The following WWOX variants were observed in gnomAD, a reference collection of about 807,000 sequenced individuals.
WWOX encodes WW domain-containing oxidoreductase.
Under a neutral mutation model 46.2 loss-of-function variants are expected in WWOX, and 69 were observed. That is an observed-to-expected ratio of 1.49 (90% CI 1.23 to 1.82). The LOEUF (loss-of-function observed/expected upper bound fraction) is 1.82, where lower values mean the gene tolerates loss of function less well. Ranked by LOEUF, WWOX falls within the 40% of genes most tolerant of loss-of-function variation. The pLI, the probability that WWOX is intolerant of heterozygous loss-of-function variation, is 0.00. For synonymous variants in WWOX, 359 were observed against 202.6 expected, an observed-to-expected ratio of 1.77 and a Z score of -6.56; for missense variants, 919 against 542.6, an observed-to-expected ratio of 1.69 and a Z score of -6.89.
chr16:79,101,955 G>A (rs1016374960), intron 8 of WWOX, among the ~76,000 whole-genome samples: 1 of 149,368 alleles, frequency 6.7e-6, no homozygotes, highest in Non-Finnish European at 1.5e-5. Context: ...TTCTGGAAGA[G>A]TTACCTGAAG....
At chr16:78,147,010 G>A (rs1208483908) in intron 4 of WWOX, among the ~76,000 whole-genome samples, 2 of 152,164 alleles carry the variant, frequency 1.3e-5, no homozygotes, top group Admixed American at 1.3e-4. Flanking sequence ...TTGAGATGGT[G>A]TCAGCATTAT....
intron 8 of WWOX, among the ~76,000 whole-genome samples, chr16:78,686,638 G>GT (rs1249923727): frequency 2.6e-5 from 4 of 152,114 alleles, no homozygotes; most frequent in Non-Finnish European, 5.9e-5. Context: ...GTTTTAATTT[G>GT]TTTTTTCGGA....
At chr16:78,150,363 G>A (rs1567600079) in intron 4 of WWOX, among the ~76,000 whole-genome samples, 1 of 152,020 alleles carries the variant, frequency 6.6e-6, no homozygotes, top group Non-Finnish European at 1.5e-5. Flanking sequence ...AAACCCTATC[G>A]TTTAGGTTTT....
At chr16:78,941,238 A>G (rs1366958927) in intron 8 of WWOX, among the ~76,000 whole-genome samples, 2 of 152,154 alleles carry the variant, frequency 1.3e-5, no homozygotes, top group African/African-American at 4.8e-5. Context: ...CAGGCAAAAC[A>G]TTTGGTTCTG....
chr16:79,072,643 T>C (rs61351131), intron 8 of WWOX, among the ~76,000 whole-genome samples: 4,474 of 152,306 alleles, frequency 0.029, 226 homozygotes, highest in African/African-American at 0.1. Context: ...ATGATCAAAG[T>C]TAGCAGTACT....
At chr16:78,498,323 G>T (rs767456682) in intron 8 of WWOX, among the ~76,000 whole-genome samples, 2 of 152,084 alleles carry the variant, frequency 1.3e-5, no homozygotes, top group Non-Finnish European at 2.9e-5. Context: ...TCTGTAAATT[G>T]CAGGCTGTAA....
chr16:78,610,034 G>A (rs192553602), intron 8 of WWOX, among the ~76,000 whole-genome samples: 16 of 135,486 alleles, frequency 1.2e-4, no homozygotes, highest in African/African-American at 4.4e-4. Flanking sequence ...CTGCGAATCC[G>A]CTGAATGTCC....
intron 8 of WWOX, among the ~76,000 whole-genome samples, chr16:78,526,764 A>G (rs546655115): frequency 2.0e-5 from 3 of 152,152 alleles, no homozygotes; most frequent in African/African-American, 7.2e-5. Context: ...TGAGGGCAAC[A>G]GGGGCAGTGG....
intron 8 of WWOX, among the ~76,000 whole-genome samples, chr16:78,821,688 C>A (rs575301199): frequency 1.6e-4 from 24 of 152,286 alleles, no homozygotes; most frequent in African/African-American, 5.8e-4. Context: ...AAGACAGAGG[C>A]TCAGGGAACT....
rs558387475 is a variant in WWOX at position 79,129,913 on chromosome 16, G to C, written c.1057-81695G>C. On this transcript the variant is annotated intron_variant, in intron 8 of 8. Transcript: ENST00000566780. ...GAAGTGTAAGCGTCGCTGTTCACTGGCTGAGTCATCTTTGGTAGGTCCCTT... is the reference window on the plus strand; with the variant it reads ...GAAGTGTAAGCGTCGCTGTTCACTGCCTGAGTCATCTTTGGTAGGTCCCTT... Among the ~76,000 whole-genome samples, 29 of 152,292 alleles carry C rather than the reference G, an allele frequency of 1.9e-4. No individual in the cohort carries two copies. In the South Asian group the frequency reaches 5.8e-3, roughly 30 times the overall value.
At chr16:78,643,605 G>T (rs867821449) in intron 8 of WWOX, among the ~76,000 whole-genome samples, 3 of 152,098 alleles carry the variant, frequency 2.0e-5, no homozygotes, top group East Asian at 3.9e-4. Context: ...TCAGCCACGC[G>T]CTGAATCTGC....
intron 8 of WWOX, among the ~76,000 whole-genome samples, chr16:78,728,890 A>G (rs1432460263): frequency 2.0e-5 from 3 of 152,170 alleles, no homozygotes; most frequent in Admixed American, 1.3e-4. Flanking sequence ...AGAATAACAA[A>G]CTATGCATAG....
At chr16:78,230,875 A>G (rs2037240483) in intron 5 of WWOX, among the ~76,000 whole-genome samples, 1 of 152,182 alleles carries the variant, frequency 6.6e-6, no homozygotes. Flanking sequence ...TCTCCATGCC[A>G]CTCCTTATCT....
intron 8 of WWOX, among the ~76,000 whole-genome samples, chr16:78,490,404 C>T (rs976636788): frequency 6.6e-6 from 1 of 152,170 alleles, no homozygotes; most frequent in Non-Finnish European, 1.5e-5. Context: ...TTACCTTTGT[C>T]TTCATTGATT....
At chr16:79,074,409 CTTTTTTTTTTTTTTTTTTT>C (rs60074156) in intron 8 of WWOX, among the ~76,000 whole-genome samples, 2 of 30,976 alleles carry the variant, frequency 6.5e-5, no homozygotes, top group African/African-American at 1.3e-4. Context: ...GTCACTAGTC[CTTTTTTTTTTTTTTTTTTT>C]TTTTTTTTTT....
intron 5 of WWOX, among the ~76,000 whole-genome samples, chr16:78,248,241 C>A (rs1220812690): frequency 6.6e-6 from 1 of 152,006 alleles, no homozygotes; most frequent in Non-Finnish European, 1.5e-5. Flanking sequence ...TGGTGGAAGG[C>A]AAAGGGGAAG....
chr16:78,702,854 AC>A (rs889275941), intron 8 of WWOX, among the ~76,000 whole-genome samples: 1 of 152,056 alleles, frequency 6.6e-6, no homozygotes, highest in Non-Finnish European at 1.5e-5. Flanking sequence ...GTCCTTTTCC[AC>A]CATTGTTAAA....
chr16:78,152,904 G>GT (rs10684196), intron 4 of WWOX, among the ~76,000 whole-genome samples: 35,179 of 151,810 alleles, frequency 0.23, 4,242 homozygotes, highest in East Asian at 0.39. Context: ...GAGTTGGTAT[G>GT]TTTTTTGATT....
chr16:78,955,693 C>T (rs1194068517), intron 8 of WWOX, among the ~76,000 whole-genome samples: 1 of 150,722 alleles, frequency 6.6e-6, no homozygotes, highest in Admixed American at 6.6e-5. Flanking sequence ...CTCTATTGCC[C>T]AGGCTGGATG....
Sources: allele counts gnomAD v4.1 joint callset (sites outside exome capture counted in the v4.1 genomes callset), GRCh38; gene constraint gnomAD v4.1.1; transcripts MANE v1.5; gene names NCBI Gene and HGNC (gene_info 2026-07-23, HGNC 2026-07-21).